The following PHF2 variants were observed in gnomAD, a reference collection of about 807,000 sequenced individuals.
The protein encoded by PHF2 is lysine-specific demethylase PHF2.
In PHF2, 27 loss-of-function variants were observed where a neutral mutation model predicts 120.5. The ratio of observed to expected loss-of-function variants is 0.22; its 90% CI spans 0.17 to 0.31. The LOEUF is 0.31. Among genes scored for constraint, PHF2 ranks in the 10% least tolerant of loss-of-function variants. The pLI is 1.00. For missense variants in PHF2, 1,024 were observed against 1,434.8 expected (o/e 0.71, Z 4.63); for synonymous variants, 568 against 592.5 (o/e 0.96, Z 0.60).
chr9:93,596,952 A>C, intron 1 of PHF2, among the ~76,000 whole-genome samples: 1 of 78,396 alleles, frequency 1.3e-5, no homozygotes, highest in Non-Finnish European at 2.4e-5. Flanking sequence ...TTTTTTTTTG[A>C]GACAGAGTCT....
chr9:93,578,069 A>G (rs1862867306), intron 1 of PHF2, among the ~76,000 whole-genome samples: 1 of 152,236 alleles, frequency 6.6e-6, no homozygotes, highest in East Asian at 1.9e-4. Context: ...CTGGGTCTTC[A>G]AGACTGGTCA....
chr9:93,653,150 C>T, intron 5 of PHF2, 29 bp from the exon 6 acceptor site: 1 of 1,604,754 alleles, frequency 6.2e-7, no homozygotes, highest in Non-Finnish European at 8.5e-7. Context: ...GTCCCAGGTT[C>T]CCTCACCACC....
rs116650506 is a variant in PHF2, at chr9:93,590,932, C to T, written c.98+14061C>T. 1.6e-3 allele frequency among the ~76,000 whole-genome samples: 248 copies of T among 152,360 alleles called. 2 individuals are homozygous for T. The highest frequency in any genetic ancestry group is 5.8e-3 in the African/African-American group (241 of 41,596). ...TATGATTTGTGTTCCTTTGAGGGGC[C>T]GCTTCTCCCCAGATGCCTTCACACA... On this transcript the variant is annotated intron_variant, in intron 1 of 21. Coordinates refer to ENST00000359246, the MANE Select transcript of PHF2 (RefSeq NM_005392.4).
In PHF2 at chr9:93,582,445, C is replaced by T. The variant is rs147942101; in HGVS notation, c.98+5574C>T. Reference sequence around the variant, plus strand: ...AGCTCCCTCCTGGGTCTGAATATACCCAGTGTCTCTCAGGGTCTCTCGCTG... The same window carrying T: ...AGCTCCCTCCTGGGTCTGAATATACTCAGTGTCTCTCAGGGTCTCTCGCTG... On this transcript the variant is annotated intron_variant, in intron 1 of 21. Coordinates refer to ENST00000359246, the MANE Select transcript of PHF2 (RefSeq NM_005392.4). Among the ~76,000 whole-genome samples, 120 of 152,256 alleles carry T rather than the reference C, an allele frequency of 7.9e-4. 1 individual carries two copies. Among genetic ancestry groups the T allele is most frequent in the Non-Finnish European group, 1.6e-3 (107 of 68,020 alleles).
chr9:93,592,598 G>A (rs1825249271), intron 1 of PHF2, among the ~76,000 whole-genome samples: 1 of 152,130 alleles, frequency 6.6e-6, no homozygotes, highest in Non-Finnish European at 1.5e-5. Context: ...GTCGCTCAGT[G>A]TTCAGAGGCT....
At chr9:93,621,218 C>A (rs555086868) in intron 1 of PHF2, among the ~76,000 whole-genome samples, 7 of 152,358 alleles carry the variant, frequency 4.6e-5, no homozygotes, top group East Asian at 3.9e-4. Context: ...GGTCACCCCC[C>A]ACAACCCTGG....
chr9:93,654,260 C>T (rs115842504), intron 6 of PHF2, among the ~76,000 whole-genome samples, 153 bp from the exon 7 acceptor site: 31 of 152,296 alleles, frequency 2.0e-4, no homozygotes, highest in African/African-American at 7.2e-4. Context: ...TCCTAACATG[C>T]ACATTTCTGA....
At chr9:93,607,559 A>C (rs930527174) in intron 1 of PHF2, among the ~76,000 whole-genome samples, 2 of 150,524 alleles carry the variant, frequency 1.3e-5, no homozygotes, top group African/African-American at 4.9e-5. Context: ...TTGGGATTAC[A>C]GGTGTGAGCC....
chr9:93,630,422 G>A (rs1046776465), intron 2 of PHF2, among the ~76,000 whole-genome samples: 3 of 152,210 alleles, frequency 2.0e-5, no homozygotes, highest in Non-Finnish European at 4.4e-5. Flanking sequence ...GCCCGGCCCA[G>A]CCAGCCACTG....
intron 1 of PHF2, among the ~76,000 whole-genome samples, chr9:93,579,345 T>C (rs1019639268): frequency 6.6e-6 from 1 of 152,180 alleles, no homozygotes; most frequent in Non-Finnish European, 1.5e-5. Flanking sequence ...GACTTTAGAC[T>C]TACAAAAGAG....
intron 1 of PHF2, among the ~76,000 whole-genome samples, chr9:93,607,421 C>T (rs1825560945): frequency 2.0e-5 from 3 of 149,196 alleles, no homozygotes; most frequent in Admixed American, 1.3e-4. Flanking sequence ...ACAGGCCATG[C>T]ACCAACATGC....
At chr9:93,625,868 A>G (rs1825906896) in intron 1 of PHF2, among the ~76,000 whole-genome samples, 1 of 151,916 alleles carries the variant, frequency 6.6e-6, no homozygotes, top group Admixed American at 6.6e-5. Context: ...GAAACATCAA[A>G]TTTTTCCCCA....
intron 17 of PHF2, chr9:93,671,152 G>C (rs1826777350): frequency 1.0e-6 from 1 of 978,858 alleles, no homozygotes; most frequent in Non-Finnish European, 1.2e-6. Flanking sequence ...ATGCAGGTGT[G>C]GATGTAGGTG....
At position 93,666,030 on chromosome 9, in the gene PHF2, G is replaced by A. The variant is rs754263817; in HGVS notation, c.2157G>A (p.Thr719=). 2.4e-5 allele frequency: 39 copies of A among 1,613,044 alleles called. No individual in the cohort carries two copies. Among genetic ancestry groups the A allele is most frequent in the Middle Eastern group, 1.6e-4 (1 of 6,082 alleles). ...DKKAVLPTPV[T]KPKLDSAAYK... ...AGGCTGTGCTGCCCACGCCTGTCAC[G>A]AAGCCAAAGCTGGACTCGGCAGCGT... is the stretch of plus-strand genomic sequence containing the variant. Residue 719 remains threonine (T), a synonymous_variant, in exon 16 of 22, where the codon ACG becomes ACA. Transcript: ENST00000359246.
chr9:93,599,504 G>C (rs1825396729), intron 1 of PHF2, among the ~76,000 whole-genome samples: 1 of 152,210 alleles, frequency 6.6e-6, no homozygotes, highest in Admixed American at 6.5e-5. Context: ...GGAGTGCGTG[G>C]AGGTTGGAAA....
chr9:93,631,035 G>A (rs1825993063), intron 2 of PHF2, among the ~76,000 whole-genome samples: 1 of 152,178 alleles, frequency 6.6e-6, no homozygotes, highest in Non-Finnish European at 1.5e-5. Flanking sequence ...GTGCCCAGTT[G>A]CAAGCTGAAG....
chr9:93,676,652 C>A lies in PHF2; in HGVS notation c.2891C>A (p.Thr964Asn). 1 of 1,604,228 alleles carries A rather than the reference C, an allele frequency of 6.2e-7. No individual in the cohort carries two copies. The highest frequency in any genetic ancestry group is 1.1e-5 in the South Asian group (1 of 89,244). Residue 964 changes from threonine (T) to asparagine (N), a missense_variant, in exon 21 of 22, where the codon ACC becomes AAC. By Grantham distance (65) the Thr-to-Asn change is moderately conservative. Around this residue, in one of 2 missense-constraint regions of PHF2, gnomAD observed 677 missense variants for 857.4 expected, o/e 0.79. Coordinates refer to ENST00000359246, the MANE Select transcript of PHF2 (RefSeq NM_005392.4). ...SAKRKLTPNTTSPSTSTSISA... is the reference protein window; with the variant it reads ...SAKRKLTPNTNSPSTSTSISA... The stretch of plus-strand genomic sequence containing the variant: ...AAGAGGAAGCTGACTCCTAACACCA[C>A]CTCCCCTTCCACCTCCACCTCCATC...
intron 1 of PHF2, among the ~76,000 whole-genome samples, chr9:93,581,109 G>A (rs1002462898): frequency 1.3e-5 from 2 of 152,090 alleles, no homozygotes; most frequent in South Asian, 2.1e-4. Flanking sequence ...CTCTGTGTCC[G>A]TCTGTCTGTC....
intron 1 of PHF2, among the ~76,000 whole-genome samples, chr9:93,603,507 G>C (rs1346509280): frequency 6.6e-6 from 1 of 152,144 alleles, no homozygotes; most frequent in Non-Finnish European, 1.5e-5. Context: ...CTCTGGGCCA[G>C]CCCTCACCTT....
Sources: gnomAD v4.1 joint callset for allele counts (sites outside exome capture counted in the v4.1 genomes callset) on GRCh38, gnomAD v4.1.1 for gene constraint, gnomAD v4.1.1 regional missense constraint, MANE v1.5 for transcripts, NCBI Gene and HGNC (gene_info 2026-07-23, HGNC 2026-07-21) for gene names.